The following ATRNL1 variants were observed in gnomAD, a reference collection of about 807,000 sequenced individuals.
ATRNL1 encodes the protein attractin like 1.
A neutral mutation model predicts 182.7 loss-of-function variants in ATRNL1; 95 were observed. The observed-to-expected ratio is 0.52, with a 90% confidence interval of 0.44 to 0.62. The LOEUF is 0.62. Ranked by LOEUF, ATRNL1 falls within the 20% of genes least tolerant of loss-of-function variation. ATRNL1 has a pLI of 0.00. For missense variants in ATRNL1, 1,471 were observed against 1,679.5 expected, an observed-to-expected ratio of 0.88 and a Z score of 2.17; for synonymous variants, 576 against 568.3, an observed-to-expected ratio of 1.01 and a Z score of -0.19.
At chr10:115,509,087 A>C (rs1390050981) in intron 24 of ATRNL1, among the ~76,000 whole-genome samples, 3 of 152,018 alleles carry the variant, frequency 2.0e-5, no homozygotes, top group Admixed American at 6.6e-5. Context: ...ATTATGCTAA[A>C]CATGTTCTGC....
At chr10:115,925,728 A>C (rs1555119945) in intron 28 of ATRNL1, among the ~76,000 whole-genome samples, 2 of 152,214 alleles carry the variant, frequency 1.3e-5, no homozygotes, top group Admixed American at 1.3e-4. Flanking sequence ...TTCTAAGTAT[A>C]CACGCACCCA....
At chr10:115,280,163 C>T (rs568648847) in intron 13 of ATRNL1, among the ~76,000 whole-genome samples, 8 of 152,082 alleles carry the variant, frequency 5.3e-5, no homozygotes, top group African/African-American at 1.2e-4. Context: ...CAGATTTAAA[C>T]GAAGAACCTG....
At chr10:115,879,251 G>A (rs1951768560) in intron 28 of ATRNL1, among the ~76,000 whole-genome samples, 1 of 144,736 alleles carries the variant, frequency 6.9e-6, no homozygotes. Flanking sequence ...ATGTTGCAGT[G>A]AACCATGATC....
At chr10:115,434,144 A>C (rs1375188131) in intron 21 of ATRNL1, among the ~76,000 whole-genome samples, 2 of 151,774 alleles carry the variant, frequency 1.3e-5, no homozygotes, top group Non-Finnish European at 2.9e-5. Flanking sequence ...CCTGAGAATG[A>C]TTTTATGTCA....
chr10:115,270,078 G>GT (rs1564868030), intron 13 of ATRNL1, among the ~76,000 whole-genome samples: 1 of 151,102 alleles, frequency 6.6e-6, no homozygotes, highest in Non-Finnish European at 1.5e-5. Flanking sequence ...TTTAAATTAC[G>GT]TTTGAAGATA....
chr10:115,631,952 C>T (rs567380938), intron 26 of ATRNL1, among the ~76,000 whole-genome samples: 1 of 152,144 alleles, frequency 6.6e-6, no homozygotes, highest in South Asian at 2.1e-4. Flanking sequence ...ATTCATCTAT[C>T]AAGAATATAT....
At chr10:115,937,606 A>G (rs560500959) in intron 28 of ATRNL1, among the ~76,000 whole-genome samples, 57 of 152,240 alleles carry the variant, frequency 3.7e-4, no homozygotes, top group Non-Finnish European at 7.6e-4. Flanking sequence ...AGTCTGCACA[A>G]TAGTTAGAGT....
intron 26 of ATRNL1, among the ~76,000 whole-genome samples, chr10:115,556,505 A>G (rs140825951): frequency 1.4e-3 from 212 of 152,268 alleles, no homozygotes; most frequent in African/African-American, 4.7e-3. Flanking sequence ...CTACATCACA[A>G]CTGTCATCTG....
At chr10:115,307,990 T>A (rs1336951727) in intron 17 of ATRNL1, among the ~76,000 whole-genome samples, 1 of 152,200 alleles carries the variant, frequency 6.6e-6, no homozygotes, top group African/African-American at 2.4e-5. Flanking sequence ...ATTTTTATAC[T>A]TATCAACAAA....
chr10:115,094,747 T>G (rs2084970473), intron 1 of ATRNL1, among the ~76,000 whole-genome samples: 1 of 152,180 alleles, frequency 6.6e-6, no homozygotes. Context: ...GGCCGAGTTA[T>G]GATTCCAAAT....
chr10:115,878,241 A>G (rs980325882), intron 28 of ATRNL1, among the ~76,000 whole-genome samples: 6 of 152,258 alleles, frequency 3.9e-5, no homozygotes, highest in African/African-American at 1.4e-4. Flanking sequence ...GGCCACACAC[A>G]TGCAAGAAAA....
intron 28 of ATRNL1, chr10:115,909,626 A>T (rs1214447485): frequency 3.6e-4 from 6 of 16,790 alleles, no homozygotes; most frequent in African/African-American, 5.5e-4. Context: ...AATGTTAAAA[A>T]AAAAAAAAAA....
At chr10:115,828,066 C>T (rs1950477471) in intron 27 of ATRNL1, among the ~76,000 whole-genome samples, 1 of 152,066 alleles carries the variant, frequency 6.6e-6, no homozygotes, top group Admixed American at 6.5e-5. Context: ...GCCTGTAATC[C>T]CAGCACTTTG....
chr10:115,313,675 A>C (rs1033049954), intron 17 of ATRNL1, among the ~76,000 whole-genome samples: 1 of 152,228 alleles, frequency 6.6e-6, no homozygotes, highest in Non-Finnish European at 1.5e-5. Flanking sequence ...AGCAGGTATC[A>C]TGATCCTTTC....
intron 18 of ATRNL1, among the ~76,000 whole-genome samples, chr10:115,321,088 G>C (rs1358709355): frequency 1.3e-5 from 2 of 151,930 alleles, no homozygotes; most frequent in Admixed American, 1.3e-4. Flanking sequence ...GGTTTTTTGT[G>C]GGGCCTTTTT....
intron 26 of ATRNL1, among the ~76,000 whole-genome samples, chr10:115,639,309 T>C (rs11814391): frequency 0.012 from 1,902 of 152,232 alleles, 36 homozygotes; most frequent in African/African-American, 0.044. Flanking sequence ...CCTTCATGAA[T>C]GAAAGGGAAA....
At chr10:115,361,997 A>G (rs1342072635) in intron 19 of ATRNL1, among the ~76,000 whole-genome samples, 1 of 152,074 alleles carries the variant, frequency 6.6e-6, no homozygotes, top group Non-Finnish European at 1.5e-5. Flanking sequence ...TCTTTAATAT[A>G]GGCAAGTACA....
chr10:115,565,885 T>C (rs1157439461), intron 26 of ATRNL1, among the ~76,000 whole-genome samples: 1 of 152,150 alleles, frequency 6.6e-6, no homozygotes, highest in Non-Finnish European at 1.5e-5. Flanking sequence ...TTAATTTCCA[T>C]AGACGTACAG....
At chr10:115,568,402 C>T (rs1279707589) in intron 26 of ATRNL1, among the ~76,000 whole-genome samples, 1 of 152,020 alleles carries the variant, frequency 6.6e-6, no homozygotes, top group East Asian at 1.9e-4. Flanking sequence ...TGCCCAATTA[C>T]TAAAGCTATG....
Sources: allele counts gnomAD v4.1 joint callset (sites outside exome capture counted in the v4.1 genomes callset), GRCh38; gene constraint gnomAD v4.1.1; transcripts MANE v1.5; gene names NCBI Gene and HGNC (gene_info 2026-07-23, HGNC 2026-07-21).